Variants in PLPPR1 observed in about 807,000 individuals in gnomAD.
PLPPR1 encodes phospholipid phosphatase-related protein type 1.
Under a neutral mutation model 33.1 loss-of-function variants are expected in PLPPR1, and 10 were observed. The observed-to-expected ratio is 0.30, with a 90% CI of 0.19 to 0.51. The LOEUF (loss-of-function observed/expected upper bound fraction) is 0.51. Ranked by LOEUF, PLPPR1 falls within the 20% of genes least tolerant of loss-of-function variation. The pLI is 0.97. For missense variants in PLPPR1, 304 were observed against 408.1 expected, an observed-to-expected ratio of 0.74 and a Z score of 2.20; for synonymous variants, 151 against 151.0, an observed-to-expected ratio of 1.00 and a Z score of 0.00.
At chr9:101,136,955 A>G (rs1434372380) in intron 1 of PLPPR1, among the ~76,000 whole-genome samples, 2 of 152,228 alleles carry the variant, frequency 1.3e-5, no homozygotes, top group African/African-American at 2.4e-5. Context: ...ATTTTAAAAT[A>G]TAATTTTACA....
intron 1 of PLPPR1, among the ~76,000 whole-genome samples, chr9:101,066,308 T>C (rs1830413104): frequency 6.6e-6 from 1 of 152,072 alleles, no homozygotes; most frequent in African/African-American, 2.4e-5. Flanking sequence ...TCAGTATTGA[T>C]GTTAACCTTG....
chr9:101,281,941 G>T (rs1467150637), intron 3 of PLPPR1, among the ~76,000 whole-genome samples: 68 of 152,086 alleles, frequency 4.5e-4, no homozygotes, highest in Admixed American at 4.5e-3. Context: ...CAGTCCCCCA[G>T]CAAAGAAAAG....
At chr9:101,071,671 G>A (rs1232717497) in intron 1 of PLPPR1, among the ~76,000 whole-genome samples, 1 of 151,986 alleles carries the variant, frequency 6.6e-6, no homozygotes, top group East Asian at 1.9e-4. Flanking sequence ...GGGATTCAGG[G>A]GAATGCAGCT....
intron 1 of PLPPR1, among the ~76,000 whole-genome samples, chr9:101,036,945 C>T (rs1346407920): frequency 6.6e-6 from 1 of 152,002 alleles, no homozygotes; most frequent in Non-Finnish European, 1.5e-5. Context: ...TCAAAGCTAC[C>T]GCTGGACTGA....
chr9:101,168,982 T>C (rs944346676), intron 1 of PLPPR1, among the ~76,000 whole-genome samples: 8 of 152,184 alleles, frequency 5.3e-5, no homozygotes, highest in African/African-American at 1.9e-4. Context: ...TGTTGATAAC[T>C]TCAGTTACTT....
At chr9:101,220,272 T>G (rs1319222195) in intron 2 of PLPPR1, among the ~76,000 whole-genome samples, 2 of 152,206 alleles carry the variant, frequency 1.3e-5, no homozygotes, top group Admixed American at 6.5e-5. Context: ...TTCTAACCAC[T>G]TTTATGTTAA....
chr9:101,278,255 C>CT (rs1292540200), intron 3 of PLPPR1, among the ~76,000 whole-genome samples: 2 of 152,112 alleles, frequency 1.3e-5, no homozygotes, highest in East Asian at 1.9e-4. Flanking sequence ...TTCCTCTAAA[C>CT]TTTTTGTATT....
At chr9:101,100,545 T>C (rs1830884865) in intron 1 of PLPPR1, among the ~76,000 whole-genome samples, 1 of 152,168 alleles carries the variant, frequency 6.6e-6, no homozygotes, top group Non-Finnish European at 1.5e-5. Flanking sequence ...ATCATTATTT[T>C]TGACCACTAA....
chr9:101,207,853 G>C (rs1826618670), intron 2 of PLPPR1, among the ~76,000 whole-genome samples: 1 of 152,118 alleles, frequency 6.6e-6, no homozygotes, highest in African/African-American at 2.4e-5. Context: ...AAGAGAACTA[G>C]GTAAACAGGA....
intron 1 of PLPPR1, among the ~76,000 whole-genome samples, chr9:101,172,612 A>G (rs1825959594): frequency 6.6e-6 from 1 of 152,010 alleles, no homozygotes; most frequent in African/African-American, 2.4e-5. Context: ...CCACCCATGC[A>G]TGTGCTCATC....
In PLPPR1 at chr9:101,286,727, T is replaced by C. The variant is rs887680513; in HGVS notation, c.385+491T>C. Among the ~76,000 whole-genome samples, 10 of 152,326 alleles carry C rather than the reference T, an allele frequency of 6.6e-5. No individual in the cohort carries two copies. In the South Asian group the frequency reaches 1.7e-3, roughly 25 times the overall value. On this transcript the variant is annotated intron_variant, in intron 4 of 7. Coordinates refer to ENST00000374874, the MANE Select transcript of PLPPR1 (RefSeq NM_207299.2). ...CAAATACTTTTATTAGTGTTCATGA[T>C]AGGGAATAATGAAGGCATATTCTAC...
At chr9:101,227,748 G>C (rs188247634) in intron 2 of PLPPR1, among the ~76,000 whole-genome samples, 2 of 152,240 alleles carry the variant, frequency 1.3e-5, no homozygotes, top group Non-Finnish European at 2.9e-5. Flanking sequence ...TTCAGAAGAT[G>C]TGAAGTTTCT....
intron 1 of PLPPR1, among the ~76,000 whole-genome samples, chr9:101,032,775 A>G (rs1285341836): frequency 6.6e-6 from 1 of 152,204 alleles, no homozygotes; most frequent in Admixed American, 6.5e-5. Context: ...ACAAATCAAA[A>G]CAAAAAACAT....
In PLPPR1 at chr9:101,205,410, GC is replaced by G. The variant is rs768129424; in HGVS notation, c.63+19855del. Among the ~76,000 whole-genome samples, 12 of 152,244 alleles carry G rather than the reference GC, an allele frequency of 7.9e-5. No individual in the cohort carries two copies. The South Asian group carries it at 1.7e-3, about 21-fold the overall frequency. The stretch of plus-strand genomic sequence containing the variant: ...TGAAAAATCTCTTCACCTAGAAGGG[GC>G]CTTGTCAATGCCAGAAATTGGATGT... On this transcript the variant is annotated intron_variant, in intron 2 of 7. Coordinates refer to ENST00000374874, the MANE Select transcript of PLPPR1 (RefSeq NM_207299.2).
intron 2 of PLPPR1, among the ~76,000 whole-genome samples, chr9:101,257,755 C>T (rs922748241): frequency 6.6e-6 from 1 of 152,084 alleles, no homozygotes; most frequent in Non-Finnish European, 1.5e-5. Context: ...TCACAAAACC[C>T]CATACAACTT....
chr9:101,288,472 G>A (rs1828432955), intron 4 of PLPPR1, among the ~76,000 whole-genome samples: 1 of 152,102 alleles, frequency 6.6e-6, no homozygotes, highest in African/African-American at 2.4e-5. Flanking sequence ...GGATGCTAGA[G>A]CAGAGAGATA....
intron 2 of PLPPR1, among the ~76,000 whole-genome samples, chr9:101,205,513 A>G (rs1365016791): frequency 6.6e-6 from 1 of 152,194 alleles, no homozygotes; most frequent in East Asian, 1.9e-4. Flanking sequence ...TGAGATGTTC[A>G]TCTGAAAGTC....
chr9:101,269,347 C>T (rs913789589), intron 2 of PLPPR1, among the ~76,000 whole-genome samples: 2 of 152,096 alleles, frequency 1.3e-5, no homozygotes, highest in Non-Finnish European at 2.9e-5. Context: ...CTTAGGGTGT[C>T]GAAATTTCCC....
chr9:101,309,506 G>A lies in PLPPR1; in HGVS notation c.636+45G>A, dbSNP rs767826639. 8.8e-6 allele frequency: 14 copies of A among 1,594,398 alleles called. No homozygotes were observed. The South Asian group carries it at 1.6e-4, about 18-fold the overall frequency. On this transcript the variant is annotated intron_variant, in intron 5 of 7. Transcript: ENST00000374874. ...CTCTCCTAAGTCCAGTTTTTGATAG[G>A]ATGTGTGTCTCCCTGCCCTGTCTCC...
Sources: allele counts gnomAD v4.1 joint callset (sites outside exome capture counted in the v4.1 genomes callset), GRCh38; gene constraint gnomAD v4.1.1; transcripts MANE v1.5; gene names NCBI Gene and HGNC (gene_info 2026-07-23, HGNC 2026-07-21).